Variants in AP4S1 observed in about 807,000 individuals in gnomAD.
AP4S1 encodes the protein adaptor related protein complex 4 subunit sigma 1.
A neutral mutation model predicts 19.8 loss-of-function variants in AP4S1; 23 were observed. The observed-to-expected ratio is 1.16, with a 90% CI of 0.84 to 1.65. The LOEUF is 1.65. AP4S1 is among the 40% of genes most tolerant of loss of function. AP4S1 has a pLI of 0.00. For missense variants in AP4S1, 166 were observed against 172.8 expected, an observed-to-expected ratio of 0.96 and a Z score of 0.22; for synonymous variants, 46 against 54.1, an observed-to-expected ratio of 0.85 and a Z score of 0.66.
intron 5 of AP4S1, among the ~76,000 whole-genome samples, chr14:31,091,791 A>G (rs1888083646): frequency 6.6e-6 from 1 of 152,246 alleles, no homozygotes; most frequent in Non-Finnish European, 1.5e-5. Flanking sequence ...GAACTCCGCT[A>G]GTGCATTTAA....
chr14:31,073,229 G>A (rs533186259), intron 4 of AP4S1: 28 of 391,820 alleles, frequency 7.1e-5, no homozygotes, highest in South Asian at 3.9e-4. Context: ...GATGGCTCAC[G>A]CCTGTAATCC....
At chr14:31,062,115 T>G (rs538510046) in intron 1 of AP4S1, among the ~76,000 whole-genome samples, 5 of 152,240 alleles carry the variant, frequency 3.3e-5, no homozygotes, top group Admixed American at 2.0e-4. Context: ...ATTTATTTAC[T>G]GAGACAGAGT....
rs1348956414 is a variant in AP4S1, at chr14:31,073,357, G to A, written c.294+384G>A. Reference sequence around the variant, plus strand: ...TACAAAAAATTAGCTGGGCGTGGTGGTGGGCGCCTGTAGTCCCAGCTACTC... The same window carrying A: ...TACAAAAAATTAGCTGGGCGTGGTGATGGGCGCCTGTAGTCCCAGCTACTC... On this transcript the variant is annotated intron_variant, in intron 4 of 5. Transcript: ENST00000542754. Among the ~76,000 whole-genome samples the A allele has an allele frequency of 9.0e-5, 12 of 133,676 alleles. 1 individual carries two copies. The highest frequency in any genetic ancestry group is 1.8e-4 in the Non-Finnish European group (11 of 59,730). 87.7% of individuals were successfully genotyped at this position (133,676 alleles called of 152,430 possible).
chr14:31,082,629 G>GC (rs1478672479), intron 5 of AP4S1, among the ~76,000 whole-genome samples: 1 of 152,154 alleles, frequency 6.6e-6, no homozygotes, highest in Admixed American at 6.5e-5. Context: ...GGGCGCGGTG[G>GC]CTCACGCCTG....
At chr14:31,026,196 GC>G (rs1190885235) in intron 1 of AP4S1, 2 of 1,415,772 alleles carry the variant, frequency 1.4e-6, no homozygotes, top group Non-Finnish European at 9.1e-7. Flanking sequence ...TGTGTGTGGG[GC>G]CCCGGCCGGG....
chr14:31,052,062 G>A (rs531043702), intron 1 of AP4S1, among the ~76,000 whole-genome samples: 5 of 152,304 alleles, frequency 3.3e-5, no homozygotes, highest in Admixed American at 1.3e-4. Context: ...CTTGAGCCCA[G>A]GAGTTCAAGA....
At chr14:31,039,254 C>T (rs573459630) in intron 1 of AP4S1, among the ~76,000 whole-genome samples, 4 of 151,990 alleles carry the variant, frequency 2.6e-5, no homozygotes, top group Admixed American at 6.6e-5. Flanking sequence ...AGCGTGCTCT[C>T]GGCTCACTGC....
chr14:31,072,026 A>G (rs1389804044), intron 3 of AP4S1, among the ~76,000 whole-genome samples: 6 of 150,372 alleles, frequency 4.0e-5, no homozygotes, highest in Admixed American at 6.7e-5. Context: ...GGTTCAAGTG[A>G]TCCTCCTAGG....
At chr14:31,026,222 G>T in intron 1 of AP4S1, 1 of 1,381,332 alleles carries the variant, frequency 7.2e-7, no homozygotes, top group Non-Finnish European at 9.3e-7. Context: ...AGGGCGAGAC[G>T]CCGACAGCTG....
At chr14:31,073,364 C>T (rs28446570) in intron 4 of AP4S1, among the ~76,000 whole-genome samples, 15,252 of 131,222 alleles carry the variant, frequency 0.12, 1,850 homozygotes, top group Admixed American at 0.19. Flanking sequence ...GTGGTGGGCG[C>T]CTGTAGTCCC....
chr14:31,085,223 T>G, intron 5 of AP4S1: 1 of 1,061,994 alleles, frequency 9.4e-7, no homozygotes, highest in Non-Finnish European at 1.1e-6. Flanking sequence ...CCTGGGCCCC[T>G]AGAATTTATA....
chr14:31,083,647 G>A (rs1452134671), intron 5 of AP4S1: 1 of 428,330 alleles, frequency 2.3e-6, no homozygotes, highest in African/African-American at 2.1e-5. Context: ...TGGGACTACA[G>A]GTACACAACA....
chr14:31,092,249 C>T (rs1428925813), intron 5 of AP4S1, among the ~76,000 whole-genome samples: 1 of 152,124 alleles, frequency 6.6e-6, no homozygotes, highest in Non-Finnish European at 1.5e-5. Flanking sequence ...ATCAGTCTGT[C>T]TGACAGAGAA....
rs1039574343 is a variant in AP4S1, at chr14:31,093,845, GCT to G, written c.*813_*814del. The G allele has an allele frequency of 1.1e-4, 16 of 152,120 alleles. No individual in the cohort carries two copies. The highest frequency in any genetic ancestry group is 3.6e-4 in the African/African-American group (15 of 41,412). 9.4% of individuals were successfully genotyped at this position (152,120 alleles called of 1,614,324 possible). ...GTTTTGTTTTTTAAGACGGAGTCTT[GCT>G]CTGTCACCCAAGCTGGAGTGCAGTG... is the stretch of plus-strand genomic sequence containing the variant. On this transcript the variant is annotated 3_prime_UTR_variant, in exon 6 of 6. Transcript: ENST00000542754.
intron 1 of AP4S1, among the ~76,000 whole-genome samples, chr14:31,031,373 C>T (rs187137108): frequency 2.0e-5 from 3 of 152,290 alleles, no homozygotes; most frequent in African/African-American, 7.2e-5. Flanking sequence ...ACCTCTACCC[C>T]TCTTGTTCAA....
intron 1 of AP4S1, among the ~76,000 whole-genome samples, chr14:31,048,395 G>A (rs1165558299): frequency 1.3e-5 from 2 of 151,938 alleles, no homozygotes; most frequent in African/African-American, 2.4e-5. Flanking sequence ...ACAGGCATGA[G>A]CCACCATGCC....
At chr14:31,058,527 ATGTGTGTG>A (rs140119208) in intron 1 of AP4S1, among the ~76,000 whole-genome samples, 11,730 of 136,306 alleles carry the variant, frequency 0.086, 669 homozygotes, top group South Asian at 0.2. Flanking sequence ...CTGTGTGTGT[ATGTGTGTG>A]TGTGTGTGTG....
intron 1 of AP4S1, among the ~76,000 whole-genome samples, chr14:31,062,894 G>A (rs1886514543): frequency 6.6e-6 from 1 of 151,996 alleles, no homozygotes; most frequent in South Asian, 2.1e-4. Flanking sequence ...ATGAACCCGG[G>A]AGGCGGAGCT....
At chr14:31,057,057 G>A (rs1480515808) in intron 1 of AP4S1, among the ~76,000 whole-genome samples, 1 of 152,156 alleles carries the variant, frequency 6.6e-6, no homozygotes, top group Non-Finnish European at 1.5e-5. Context: ...CTCGGTGACA[G>A]AGTAAGACCC....
Sources: gnomAD v4.1 joint callset for allele counts (sites outside exome capture counted in the v4.1 genomes callset) on GRCh38, gnomAD v4.1.1 for gene constraint, MANE v1.5 for transcripts, NCBI Gene and HGNC (gene_info 2026-07-23, HGNC 2026-07-21) for gene names.